Variants in PRMT9 observed in about 807,000 individuals in gnomAD.
PRMT9 encodes protein arginine methyltransferase 9.
A neutral mutation model predicts 83.2 loss-of-function variants in PRMT9; 59 were observed. The ratio of observed to expected loss-of-function variants is 0.71; its 90% CI spans 0.57 to 0.88. The LOEUF is 0.88. Among genes scored for constraint, PRMT9 ranks in the 40% least tolerant of loss-of-function variants. The pLI, the probability that PRMT9 is intolerant of heterozygous loss-of-function variation, is 0.00. For synonymous variants in PRMT9, 333 were observed against 353.2 expected (o/e 0.94, Z 0.64); for missense variants, 947 against 1,021.9 (o/e 0.93, Z 1.00).
chr4:147,665,124 C>CAAAAA (rs370245859), intron 6 of PRMT9, among the ~76,000 whole-genome samples: 1 of 116,652 alleles, frequency 8.6e-6, no homozygotes, highest in Non-Finnish European at 1.7e-5. Flanking sequence ...TCTGTCTAAA[C>CAAAAA]AAAAAAAAAA....
chr4:147,675,262 G>A (rs750387033), intron 2 of PRMT9, among the ~76,000 whole-genome samples: 2 of 152,138 alleles, frequency 1.3e-5, no homozygotes, highest in African/African-American at 4.8e-5. Context: ...TTACAGGCGT[G>A]AGCCACCGTG....
At chr4:147,677,600 C>G (rs945305384) in intron 2 of PRMT9, among the ~76,000 whole-genome samples, 1 of 151,802 alleles carries the variant, frequency 6.6e-6, no homozygotes, top group Non-Finnish European at 1.5e-5. Flanking sequence ...ACTACAGACA[C>G]GTGCCACCAC....
At chr4:147,658,648 T>C (rs1476074253) in intron 7 of PRMT9, among the ~76,000 whole-genome samples, 1 of 152,238 alleles carries the variant, frequency 6.6e-6, no homozygotes, top group Non-Finnish European at 1.5e-5. Context: ...GCTACAAACG[T>C]GTTACTTGCT....
chr4:147,658,995 C>T (rs935890334), intron 7 of PRMT9, among the ~76,000 whole-genome samples: 7 of 151,944 alleles, frequency 4.6e-5, no homozygotes, highest in South Asian at 2.1e-4. Flanking sequence ...CTGGCTAACA[C>T]GGTGAAACCC....
chr4:147,675,670 A>C (rs531343856), intron 2 of PRMT9, among the ~76,000 whole-genome samples: 21 of 152,234 alleles, frequency 1.4e-4, no homozygotes, highest in Admixed American at 7.2e-4. Context: ...TAAAAAATAT[A>C]TAATCTACTC....
intron 6 of PRMT9, among the ~76,000 whole-genome samples, chr4:147,667,206 G>A (rs1160264552): frequency 6.6e-6 from 1 of 152,004 alleles, no homozygotes; most frequent in Admixed American, 6.6e-5. Flanking sequence ...CCTTATTAAG[G>A]AATTTATCCT....
intron 9 of PRMT9, among the ~76,000 whole-genome samples, chr4:147,649,338 T>C (rs1163775242): frequency 3.3e-5 from 5 of 152,290 alleles, no homozygotes; most frequent in Non-Finnish European, 1.5e-5. Context: ...ATCACACCTC[T>C]TAACACTGTT....
intron 2 of PRMT9, among the ~76,000 whole-genome samples, chr4:147,676,794 G>A (rs930059121): frequency 7.2e-5 from 11 of 152,068 alleles, no homozygotes; most frequent in African/African-American, 2.2e-4. Context: ...GTCTTTGGGC[G>A]CCACTTTGGG....
chr4:147,659,545 G>T (rs1198457390), intron 7 of PRMT9, among the ~76,000 whole-genome samples: 1 of 149,548 alleles, frequency 6.7e-6, no homozygotes, highest in Non-Finnish European at 1.5e-5. Flanking sequence ...AGAATTCTAT[G>T]TAACCTTTCC....
chr4:147,638,676 A>C lies in PRMT9; in HGVS notation c.2394T>G (p.Ile798Met), dbSNP rs760412418. 3 of 1,613,670 alleles carry C rather than the reference A, an allele frequency of 1.9e-6. No homozygotes were observed. The highest frequency in any genetic ancestry group is 1.1e-5 in the South Asian group (1 of 91,064). Reference protein sequence around the residue: ...FWYHMYLDEEIRLDTSSEASH... With the variant: ...FWYHMYLDEEMRLDTSSEASH... ...AGGCTTCACTTGAAGTATCCAACCT[A>C]ATCTCTTCATCAAGGTACATATGAT... is the stretch of plus-strand genomic sequence containing the variant. Residue 798 changes from isoleucine (I) to methionine (M), a missense_variant, in exon 12 of 12, where the codon ATT (isoleucine) becomes ATG (methionine). Coordinates refer to ENST00000322396, the MANE Select transcript of PRMT9 (RefSeq NM_138364.4).
intron 5 of PRMT9, among the ~76,000 whole-genome samples, chr4:147,669,522 T>C (rs1315405386): frequency 6.6e-6 from 1 of 152,078 alleles, no homozygotes; most frequent in Admixed American, 6.6e-5. Context: ...GACTTGGGTA[T>C]GACTTTGATC....
At chr4:147,681,594 A>C (rs4835441) in intron 1 of PRMT9, among the ~76,000 whole-genome samples, 140,070 of 151,948 alleles carry the variant, frequency 0.92, 65,171 homozygotes, top group Non-Finnish European at 0.98. Context: ...GAAGACCAGC[A>C]TGGCCAACAC....
Position 147,657,832 on chromosome 4 carries a change from T to C in PRMT9, c.1290A>G (p.Thr430=), listed in dbSNP as rs1001437730. Residue 430 remains threonine (T), a synonymous_variant, in exon 8 of 12, where the codon ACA becomes ACG. Transcript: ENST00000322396. ...CGGGGTAGACAGCCTGTTCCCAACA[T>C]GTTTCCTCACTAGGACTTGTGGATA... ...HSLSTSPSEE[T]CWEQAVYPVQ... 3 of 1,611,678 alleles carry C rather than the reference T, an allele frequency of 1.9e-6. No homozygotes were observed. The African/African-American group carries it at 4.1e-5, about 22-fold the overall frequency.
In PRMT9 at chr4:147,638,106, A is replaced by C. The variant is rs572506629; in HGVS notation, c.*426T>G. On this transcript the variant is annotated 3_prime_UTR_variant, in exon 12 of 12. Coordinates refer to ENST00000322396, the MANE Select transcript of PRMT9 (RefSeq NM_138364.4). ...AGATGTACACTGAGTATTTAAAGGA[A>C]GCAAGATTGGAATTTACAGGTAACC... 2.9e-5 allele frequency: 6 copies of C among 206,486 alleles called. No homozygotes were observed. The highest frequency in any genetic ancestry group is 4.4e-3 in the Middle Eastern group (2 of 456). The allele number at this position is 206,486 out of a possible 1,614,324, so 12.8% of individuals were successfully genotyped here. A position where few individuals can be genotyped will look rare whatever the true frequency, so the allele number is the denominator to read the frequency against.
intron 2 of PRMT9, among the ~76,000 whole-genome samples, chr4:147,676,906 T>G (rs1403154058): frequency 1.3e-5 from 2 of 151,758 alleles, no homozygotes; most frequent in Non-Finnish European, 2.9e-5. Context: ...TAGCCGGGCG[T>G]GGTGGCATGT....
intron 2 of PRMT9, among the ~76,000 whole-genome samples, chr4:147,678,170 C>T (rs925168387): frequency 6.6e-6 from 1 of 152,032 alleles, no homozygotes; most frequent in South Asian, 2.1e-4. Flanking sequence ...ACTCGAGATA[C>T]GTTTAATAAG....
At chr4:147,658,832 C>T (rs983324384) in intron 7 of PRMT9, among the ~76,000 whole-genome samples, 4 of 152,146 alleles carry the variant, frequency 2.6e-5, no homozygotes, top group African/African-American at 9.7e-5. Context: ...GGCATGGTGG[C>T]TCACGCCTGT....
chr4:147,675,198 G>A (rs574231711), intron 2 of PRMT9, among the ~76,000 whole-genome samples: 2 of 151,922 alleles, frequency 1.3e-5, no homozygotes, highest in African/African-American at 2.4e-5. Context: ...CAGGCTGGTC[G>A]CAAACTCCCG....
chr4:147,665,491 T>A (rs57632432), intron 6 of PRMT9, among the ~76,000 whole-genome samples: 4,075 of 152,128 alleles, frequency 0.027, 187 homozygotes, highest in African/African-American at 0.093. Context: ...AGTGGGAGAG[T>A]CTTCAAGCAT....
Sources: gnomAD v4.1 joint callset for allele counts (sites outside exome capture counted in the v4.1 genomes callset) on GRCh38, gnomAD v4.1.1 for gene constraint, MANE v1.5 for transcripts, NCBI Gene and HGNC (gene_info 2026-07-23, HGNC 2026-07-21) for gene names.